The following TNNI3K variants were observed in gnomAD, a reference collection of about 807,000 sequenced individuals.
TNNI3K encodes serine/threonine-protein kinase TNNI3K.
A neutral mutation model predicts 114.5 loss-of-function variants in TNNI3K; 140 were observed. The ratio of observed to expected loss-of-function variants is 1.22; its 90% CI spans 1.07 to 1.41. The LOEUF (loss-of-function observed/expected upper bound fraction) is 1.41. Ranked by LOEUF, TNNI3K falls within the 40% of genes most tolerant of loss-of-function variation. TNNI3K has a pLI of 0.00. For synonymous variants in TNNI3K, 347 were observed against 347.5 expected (o/e 1.00, Z 0.02); for missense variants, 1,125 against 1,007.6 (o/e 1.12, Z -1.58).
At chr1:74,378,622 ATATAT>A (rs1351771541) in intron 17 of TNNI3K, 58 of 78,924 alleles carry the variant, frequency 7.3e-4, no homozygotes, top group African/African-American at 2.8e-3. Flanking sequence ...ATATATATAT[ATATAT>A]ATATATATAT....
At chr1:74,543,128 G>T (rs1357283527) in intron 24 of TNNI3K, among the ~76,000 whole-genome samples, 1 of 132,964 alleles carries the variant, frequency 7.5e-6, no homozygotes, top group Non-Finnish European at 1.6e-5. Flanking sequence ...AGGCTGGAGT[G>T]CGGTGGTGCG....
intron 11 of TNNI3K, among the ~76,000 whole-genome samples, chr1:74,363,584 G>A (rs1425855118): frequency 2.0e-5 from 3 of 151,950 alleles, no homozygotes; most frequent in African/African-American, 7.2e-5. Context: ...AGGCGCTCAG[G>A]ATTCAGGATG....
intron 17 of TNNI3K, among the ~76,000 whole-genome samples, chr1:74,415,724 C>T (rs1431916937): frequency 6.7e-6 from 1 of 149,104 alleles, no homozygotes; most frequent in Non-Finnish European, 1.5e-5. Flanking sequence ...CCTATATAGA[C>T]TAAATTTTCT....
In TNNI3K at chr1:74,369,481, A is replaced by G; in HGVS notation, c.1563A>G (p.Val521=). Residue 521 remains valine (V), a synonymous_variant, in exon 16 of 25, where the codon GTA becomes GTG. Transcript: ENST00000326637. ...TCTGCCAGCTCAATCATCCCTGCGT[A>G]ATTCAGTTTGTGGGTGCTTGCTTGA... ...SILCQLNHPC[V]IQFVGACLND... 1 of 1,612,746 alleles carries G rather than the reference A, an allele frequency of 6.2e-7. No homozygotes were observed. The highest frequency in any genetic ancestry group is 2.2e-5 in the East Asian group (1 of 44,820).
intron 17 of TNNI3K, among the ~76,000 whole-genome samples, chr1:74,387,482 A>G (rs1311027752): frequency 6.6e-6 from 1 of 152,238 alleles, no homozygotes; most frequent in East Asian, 1.9e-4. Context: ...TTTGTTTCAA[A>G]AAGAGAACCA....
intron 5 of TNNI3K, among the ~76,000 whole-genome samples, chr1:74,282,290 A>T (rs1183622346): frequency 1.3e-5 from 2 of 152,064 alleles, no homozygotes; most frequent in African/African-American, 4.8e-5. Context: ...GTTCATGTAC[A>T]ACTATACATT....
At chr1:74,374,155 A>T (rs1324081946) in intron 17 of TNNI3K, 3 of 151,896 alleles carry the variant, frequency 2.0e-5, no homozygotes, top group Non-Finnish European at 4.4e-5. Flanking sequence ...CACAATCTTT[A>T]AAAAAATTTT....
At chr1:74,249,636 T>G (rs925031326) in intron 3 of TNNI3K, 92 bp downstream of exon 3, 1 of 1,257,768 alleles carries the variant, frequency 8.0e-7, no homozygotes, top group African/African-American at 1.5e-5. Flanking sequence ...AAGAATTCTA[T>G]TCATACTCAA....
chr1:74,268,197 T>TG (rs572030557), intron 4 of TNNI3K, among the ~76,000 whole-genome samples: 4,933 of 10,666 alleles, frequency 0.46, 102 homozygotes, highest in Non-Finnish European at 0.5. Context: ...TCATATTTTC[T>TG]ATTTAAAATA....
intron 23 of TNNI3K, among the ~76,000 whole-genome samples, chr1:74,538,263 T>C (rs1322206814): frequency 6.6e-6 from 1 of 152,126 alleles, no homozygotes; most frequent in East Asian, 1.9e-4. Context: ...AGTAGGGCTA[T>C]AGAGGACTTG....
At chr1:74,372,786 T>C (rs1490619432) in intron 17 of TNNI3K, 1 of 151,856 alleles carries the variant, frequency 6.6e-6, no homozygotes, top group Non-Finnish European at 1.5e-5. Flanking sequence ...CTGAGTTATG[T>C]GCAAGTTGTT....
chr1:74,495,892 A>G (rs1448546794), intron 23 of TNNI3K, among the ~76,000 whole-genome samples: 1 of 152,174 alleles, frequency 6.6e-6, no homozygotes, highest in Non-Finnish European at 1.5e-5. Flanking sequence ...GCTTGTGTAT[A>G]TGAAGGCAGA....
chr1:74,257,075 T>G (rs1023312598), intron 4 of TNNI3K, among the ~76,000 whole-genome samples: 11 of 152,144 alleles, frequency 7.2e-5, no homozygotes, highest in Non-Finnish European at 1.5e-4. Flanking sequence ...TTTTTCTTCC[T>G]TCTTCTTTCT....
chr1:74,405,137 G>T (rs947978362), intron 17 of TNNI3K, among the ~76,000 whole-genome samples: 2 of 152,040 alleles, frequency 1.3e-5, no homozygotes, highest in Admixed American at 1.3e-4. Flanking sequence ...AGTACTGAAG[G>T]CTTCTAGAAA....
chr1:74,320,719 G>A (rs1042752385), intron 5 of TNNI3K, among the ~76,000 whole-genome samples: 2 of 152,074 alleles, frequency 1.3e-5, no homozygotes, highest in Admixed American at 1.3e-4. Context: ...TGTGTAAGAC[G>A]CAAAATCTTT....
At chr1:74,538,281 G>A (rs17095544) in intron 23 of TNNI3K, among the ~76,000 whole-genome samples, 5 of 152,188 alleles carry the variant, frequency 3.3e-5, no homozygotes, top group Admixed American at 6.6e-5. Context: ...TTGGTATATC[G>A]GCTTGGGGAA....
rs1199142475 is a variant in TNNI3K, at chr1:74,369,417, A to T, written c.1499A>T (p.Lys500Met). Reference sequence around the variant, plus strand: ...TATCGAGCCAATACCTACTGCTCCAAGTCAGATGTGGATATGTTTTGCCGA... The same window carrying T: ...TATCGAGCCAATACCTACTGCTCCATGTCAGATGTGGATATGTTTTGCCGA... ...KRYRANTYCS[K>M]SDVDMFCREV... Residue 500 changes from lysine (K) to methionine (M), a missense_variant, in exon 16 of 25, where the codon AAG (lysine) becomes ATG (methionine). Lys to Met is a moderately conservative substitution (Grantham distance 95). Transcript: ENST00000326637. The T allele has an allele frequency of 6.2e-7, 1 of 1,611,500 alleles. No individual in the cohort carries two copies. The highest frequency in any genetic ancestry group is 2.2e-5 in the East Asian group (1 of 44,816).
chr1:74,536,149 G>A (rs1646658630), intron 23 of TNNI3K, among the ~76,000 whole-genome samples: 2 of 152,018 alleles, frequency 1.3e-5, no homozygotes, highest in Non-Finnish European at 2.9e-5. Flanking sequence ...GGGGAGTTGA[G>A]TCTATATTTG....
At chr1:74,424,283 C>T (rs274580) in intron 17 of TNNI3K, among the ~76,000 whole-genome samples, 142,347 of 152,188 alleles carry the variant, frequency 0.94, 66,644 homozygotes, top group African/African-American at 0.98. Context: ...AAAGATTCCA[C>T]TGGATTTAAC....
Sources: gnomAD v4.1 joint callset for allele counts (sites outside exome capture counted in the v4.1 genomes callset) on GRCh38, gnomAD v4.1.1 for gene constraint, MANE v1.5 for transcripts, NCBI Gene and HGNC (gene_info 2026-07-23, HGNC 2026-07-21) for gene names.